The following RUFY1 variants were observed in gnomAD, a reference collection of about 807,000 sequenced individuals.
RUFY1 encodes the protein RUN and FYVE domain containing 1, also known as RUN and FYVE domain-containing protein 1.
In RUFY1, 54 loss-of-function variants were observed where a neutral mutation model predicts 94.6. The observed-to-expected ratio is 0.57, with a 90% confidence interval of 0.46 to 0.72. RUFY1 has a LOEUF of 0.72. RUFY1 is among the 30% of genes least tolerant of loss of function. RUFY1 has a pLI of 0.00. For missense variants in RUFY1, 883 were observed against 883.9 expected, an observed-to-expected ratio of 1.00 and a Z score of 0.01; for synonymous variants, 396 against 347.3, an observed-to-expected ratio of 1.14 and a Z score of -1.56.
chr5:179,590,206 T>C (rs1416686730), intron 9 of RUFY1, among the ~76,000 whole-genome samples: 1 of 151,712 alleles, frequency 6.6e-6, no homozygotes, highest in Non-Finnish European at 1.5e-5. Context: ...ACAAAACAGT[T>C]AGCTGGGCGT....
intron 8 of RUFY1, among the ~76,000 whole-genome samples, chr5:179,588,448 T>C (rs1764784622): frequency 1.3e-5 from 2 of 152,202 alleles, no homozygotes; most frequent in South Asian, 2.1e-4. Context: ...AGCCTCTCCT[T>C]AGGCAGGTCC....
At chr5:179,597,371 G>A (rs1297964564) in intron 13 of RUFY1, among the ~76,000 whole-genome samples, 1 of 152,184 alleles carries the variant, frequency 6.6e-6, no homozygotes. Context: ...GAGCAGCTGG[G>A]ACTACAGGCA....
intron 7 of RUFY1, among the ~76,000 whole-genome samples, chr5:179,581,832 A>G (rs1442365120): frequency 1.3e-5 from 2 of 151,456 alleles, no homozygotes; most frequent in Non-Finnish European, 2.9e-5. Flanking sequence ...CTACAAGCAC[A>G]CGTCACCCCT....
rs767925087 is a variant in RUFY1 at position 179,591,667 on chromosome 5, C to G, written c.1171C>G (p.Gln391Glu). The part of the protein sequence containing the change: ...DTKVELETYK[Q>E]TRQGLDEMYS... ...CAAAGTTGAGCTGGAGACTTACAAG[C>G]AAACTCGGCAAGGTCTGGATGAAAT... The change falls in exon 10 of 18, where the codon CAA becomes GAA. Residue 391 changes from glutamine (Q) to glutamate (E), a missense_variant. Transcript: ENST00000319449. 2 of 1,613,148 alleles carry G rather than the reference C, an allele frequency of 1.2e-6. No individual in the cohort carries two copies. Among genetic ancestry groups the G allele is most frequent in the South Asian group, 2.2e-5 (2 of 90,882 alleles).
chr5:179,602,084 G>T, intron 15 of RUFY1, 98 bp downstream of exon 15: 1 of 999,106 alleles, frequency 1.0e-6, no homozygotes, highest in Non-Finnish European at 1.6e-6. Context: ...CGAACGGAGG[G>T]TGGGCCATTT....
At chr5:179,581,695 T>A (rs1426311078) in intron 7 of RUFY1, among the ~76,000 whole-genome samples, 2 of 151,494 alleles carry the variant, frequency 1.3e-5, no homozygotes, top group African/African-American at 4.8e-5. Context: ...TCTTTTTTTT[T>A]TTTTTGACAG....
chr5:179,608,645 A>C (rs8180434), intron 17 of RUFY1: 62,796 of 985,146 alleles, frequency 0.064, 4,054 homozygotes, highest in East Asian at 0.6. Context: ...AAACACCCTT[A>C]GGCCGGGCAC....
intron 1 of RUFY1, among the ~76,000 whole-genome samples, chr5:179,556,770 G>C (rs1235788901): frequency 6.6e-6 from 1 of 152,186 alleles, no homozygotes; most frequent in Non-Finnish European, 1.5e-5. Context: ...AAAGTGCTGG[G>C]ATTACAGGCG....
chr5:179,572,676 G>C (rs7706115), intron 5 of RUFY1: 59,846 of 170,106 alleles, frequency 0.35, 10,928 homozygotes, highest in Non-Finnish European at 0.38. Context: ...CCCACTGGCT[G>C]GAAGCCTGGT....
At chr5:179,555,877 A>G (rs1457805900) in intron 1 of RUFY1, 5 of 240,070 alleles carry the variant, frequency 2.1e-5, no homozygotes, top group Admixed American at 5.4e-5. Context: ...ACAGGGTTTC[A>G]CCATGTTGGC....
chr5:179,573,471 A>G (rs1562000042), intron 5 of RUFY1, among the ~76,000 whole-genome samples: 2 of 152,148 alleles, frequency 1.3e-5, no homozygotes. Context: ...TCTCACGTTT[A>G]GAGAGTGCTT....
At chr5:179,557,094 T>A (rs1762149334) in intron 1 of RUFY1, among the ~76,000 whole-genome samples, 1 of 152,146 alleles carries the variant, frequency 6.6e-6, no homozygotes, top group South Asian at 2.1e-4. Context: ...AGAAAATTTC[T>A]CAACTGTTGG....
At chr5:179,607,419 A>G in intron 16 of RUFY1, 163 bp from the exon 17 acceptor site, 2 of 648,892 alleles carry the variant, frequency 3.1e-6, no homozygotes, top group South Asian at 1.8e-5. Context: ...AGACGGGGAA[A>G]GAGCCCCTTG....
chr5:179,561,678 C>CTTTTTTTTTTTTTTTTT lies in RUFY1; in HGVS notation c.485-860_485-844dup, dbSNP rs71001004. Among the ~76,000 whole-genome samples the CTTTTTTTTTTTTTTTTT allele has an allele frequency of 1.9e-4, 12 of 64,606 alleles. 1 individual carries two copies. Among genetic ancestry groups the CTTTTTTTTTTTTTTTTT allele is most frequent in the South Asian group, 6.0e-4 (1 of 1,678 alleles). 42.4% of individuals were successfully genotyped at this position (64,606 alleles called of 152,430 possible). A position where few individuals can be genotyped will look rare whatever the true frequency, so the allele number is the denominator to read the frequency against. ...CTATAAGGCAACTGTTTTTTTCTTT[C>CTTTTTTTTTTTTTTTTT]TTTTTTTTTTTTTTTTTTTTTTTTT... is the stretch of plus-strand genomic sequence containing the variant. On this transcript the variant is annotated intron_variant, in intron 2 of 17. Coordinates refer to ENST00000319449, the MANE Select transcript of RUFY1 (RefSeq NM_025158.5).
chr5:179,581,885 A>G (rs542448530), intron 7 of RUFY1, among the ~76,000 whole-genome samples: 2 of 151,818 alleles, frequency 1.3e-5, no homozygotes, highest in East Asian at 3.9e-4. Flanking sequence ...GTGCTCCGCC[A>G]TGTTGCCCAG....
intron 14 of RUFY1, among the ~76,000 whole-genome samples, chr5:179,601,030 A>T (rs1161259223): frequency 6.6e-6 from 1 of 152,026 alleles, no homozygotes; most frequent in African/African-American, 2.4e-5. Context: ...TGATGAATGT[A>T]ACTATCCTGT....
intron 16 of RUFY1, 79 bp downstream of exon 16, chr5:179,606,003 A>T: frequency 1.0e-6 from 1 of 960,248 alleles, no homozygotes; most frequent in African/African-American, 1.6e-5. Flanking sequence ...AAGTATCCCA[A>T]CAGTCAGGTG....
At chr5:179,575,778 T>C (rs151178575) in intron 5 of RUFY1, among the ~76,000 whole-genome samples, 66 of 152,064 alleles carry the variant, frequency 4.3e-4, no homozygotes, top group Non-Finnish European at 7.8e-4. Flanking sequence ...TCCTGGAGTT[T>C]TGTTGTTTTT....
intron 7 of RUFY1, among the ~76,000 whole-genome samples, chr5:179,583,862 G>A (rs930808570): frequency 4.0e-5 from 6 of 151,848 alleles, no homozygotes; most frequent in African/African-American, 1.2e-4. Flanking sequence ...CCATTCTCCT[G>A]CCTCAGCCTC....
Sources: gnomAD v4.1 joint callset for allele counts (sites outside exome capture counted in the v4.1 genomes callset) on GRCh38, gnomAD v4.1.1 for gene constraint, MANE v1.5 for transcripts, NCBI Gene and HGNC (gene_info 2026-07-23, HGNC 2026-07-21) for gene names.